The following LDLRAD4 variants were observed in gnomAD, a reference collection of about 807,000 sequenced individuals.
The protein encoded by LDLRAD4 is low density lipoprotein receptor class A domain containing 4.
A neutral mutation model predicts 17.0 loss-of-function variants in LDLRAD4; 5 were observed. The ratio of observed to expected loss-of-function variants is 0.29; its 90% CI spans 0.15 to 0.62. LDLRAD4 has a LOEUF of 0.62. LDLRAD4 is among the 20% of genes least tolerant of loss of function. The pLI is 0.84. For synonymous variants in LDLRAD4, 168 were observed against 171.8 expected (o/e 0.98, Z 0.17); for missense variants, 340 against 424.7 (o/e 0.80, Z 1.75).
In LDLRAD4 at chr18:13,445,583, C is replaced by T. The variant is rs925166241; in HGVS notation, c.181+7199C>T. ...GTGTTTGTGCATGTGTGTGTGTATGCGTGAGGGTCTATGGTACATGTATTC... is the reference window on the plus strand; with the variant it reads ...GTGTTTGTGCATGTGTGTGTGTATGTGTGAGGGTCTATGGTACATGTATTC... On this transcript the variant is annotated intron_variant, in intron 3 of 5. Transcript: ENST00000359446. Among the ~76,000 whole-genome samples the T allele has an allele frequency of 1.0e-4, 15 of 149,350 alleles. 2 individuals are homozygous for T. The South Asian group carries it at 3.2e-3, about 32-fold the overall frequency.
At chr18:13,639,404 C>T (rs906562845) in intron 4 of LDLRAD4, among the ~76,000 whole-genome samples, 1 of 152,230 alleles carries the variant, frequency 6.6e-6, no homozygotes, top group African/African-American at 2.4e-5. Context: ...GAGTCACACC[C>T]TCGTTTGACA....
At chr18:13,644,755 A>G in intron 5 of LDLRAD4, 2 of 202,604 alleles carry the variant, frequency 9.9e-6, no homozygotes, top group Non-Finnish European at 2.0e-5. Context: ...ACCAGATCCA[A>G]GTGCAGGCCG....
At chr18:13,434,813 C>T (rs2090552044) in intron 2 of LDLRAD4, among the ~76,000 whole-genome samples, 1 of 152,246 alleles carries the variant, frequency 6.6e-6, no homozygotes, top group African/African-American at 2.4e-5. Flanking sequence ...ACCAAATAAA[C>T]ATTCCAATAA....
At chr18:13,550,694 C>T (rs546373955) in intron 3 of LDLRAD4, among the ~76,000 whole-genome samples, 6 of 152,272 alleles carry the variant, frequency 3.9e-5, no homozygotes, top group Non-Finnish European at 7.4e-5. Flanking sequence ...AAACGTAAGC[C>T]GAGGAAGATG....
chr18:13,510,121 T>C (rs183317998), intron 3 of LDLRAD4, among the ~76,000 whole-genome samples: 170 of 152,324 alleles, frequency 1.1e-3, no homozygotes, highest in Middle Eastern at 3.4e-3. Context: ...TCCGAGTATG[T>C]CTGTGTTGTA....
At chr18:13,350,328 T>G (rs1388124702) in intron 1 of LDLRAD4, among the ~76,000 whole-genome samples, 1 of 152,216 alleles carries the variant, frequency 6.6e-6, no homozygotes, top group Non-Finnish European at 1.5e-5. Flanking sequence ...CCATTCTGAC[T>G]TGTGTGAGAT....
At chr18:13,593,490 C>G (rs2095053587) in intron 3 of LDLRAD4, among the ~76,000 whole-genome samples, 1 of 152,158 alleles carries the variant, frequency 6.6e-6, no homozygotes, top group African/African-American at 2.4e-5. Context: ...GAGTGTTTGA[C>G]CTGTGGCTTA....
At chr18:13,481,553 C>G (rs567929033) in intron 3 of LDLRAD4, among the ~76,000 whole-genome samples, 4 of 152,214 alleles carry the variant, frequency 2.6e-5, no homozygotes, top group Non-Finnish European at 5.9e-5. Context: ...CCACCCAAGA[C>G]TGGGCCCCTG....
chr18:13,349,125 C>A (rs1236982441), intron 1 of LDLRAD4, among the ~76,000 whole-genome samples: 1 of 152,238 alleles, frequency 6.6e-6, no homozygotes, highest in Non-Finnish European at 1.5e-5. Flanking sequence ...AACCCGGTAC[C>A]ACAGTTTGAA....
chr18:13,345,907 G>C (rs952921656), intron 1 of LDLRAD4, among the ~76,000 whole-genome samples: 3 of 152,092 alleles, frequency 2.0e-5, no homozygotes, highest in Admixed American at 2.0e-4. Flanking sequence ...TTGTATTTCT[G>C]GGGGTTCAAT....
At chr18:13,409,559 C>A (rs1252707176) in intron 2 of LDLRAD4, among the ~76,000 whole-genome samples, 2 of 152,218 alleles carry the variant, frequency 1.3e-5, no homozygotes, top group Non-Finnish European at 2.9e-5. Context: ...CTATCTTCAA[C>A]CTGTATCTTA....
At chr18:13,503,347 T>TGC (rs2093642678) in intron 3 of LDLRAD4, among the ~76,000 whole-genome samples, 1 of 152,246 alleles carries the variant, frequency 6.6e-6, no homozygotes, top group Non-Finnish European at 1.5e-5. Context: ...GCAGGCAACC[T>TGC]GCCATTGTTC....
Position 13,349,423 on chromosome 18 carries a change from A to T in LDLRAD4, c.-382-37918A>T, listed in dbSNP as rs532849879. On this transcript the variant is annotated intron_variant, in intron 1 of 5. Coordinates refer to ENST00000359446, the Ensembl canonical transcript of LDLRAD4. ...ATAAAAAGTGGAGTTACAGACCAAA[A>T]TTACAATAACCCTGGTTTTTATATT... 2.6e-5 allele frequency among the ~76,000 whole-genome samples: 4 copies of T among 152,292 alleles called. No homozygotes were observed. In the East Asian group the frequency reaches 7.7e-4, roughly 29 times the overall value.
chr18:13,342,882 C>A (rs1426068561), intron 1 of LDLRAD4, among the ~76,000 whole-genome samples: 1 of 151,752 alleles, frequency 6.6e-6, no homozygotes, highest in Non-Finnish European at 1.5e-5. Flanking sequence ...TTATTGTGGT[C>A]ATCAAGTTAG....
rs536420441 is a variant in LDLRAD4, at chr18:13,233,144, G to A, written c.-467+14156G>A. Among the ~76,000 whole-genome samples the A allele has an allele frequency of 3.9e-5, 6 of 152,246 alleles. No individual in the cohort carries two copies. The East Asian group carries it at 5.8e-4, about 15-fold the overall frequency. ...CCAGTGGCGCCACCTCTTTGCAGGC[G>A]CCTGTCCTGAAGGACGTGAGCGGGC... On this transcript the variant is annotated intron_variant, in intron 1 of 5. Transcript: ENST00000399848.
upstream of LDLRAD4, among the ~76,000 whole-genome samples, chr18:13,277,635 AT>A (rs2044969903): frequency 6.6e-6 from 1 of 152,318 alleles, no homozygotes; most frequent in Admixed American, 6.5e-5. Context: ...TCAGACATGT[AT>A]TTCAGCAGAG....
chr18:13,258,357 C>T (rs1045432625), intron 1 of LDLRAD4, among the ~76,000 whole-genome samples: 6 of 151,652 alleles, frequency 4.0e-5, no homozygotes, highest in East Asian at 1.9e-4. Context: ...GTTAATTCTA[C>T]GAAATCCTTT....
intron 1 of LDLRAD4, chr18:13,362,692 C>T (rs570502099): frequency 6.6e-6 from 1 of 152,110 alleles, no homozygotes; most frequent in Non-Finnish European, 1.5e-5. Flanking sequence ...GGTATGGAAA[C>T]CAATTTAATA....
chr18:13,488,514 T>C (rs1032705270), intron 3 of LDLRAD4: 5 of 152,248 alleles, frequency 3.3e-5, no homozygotes, highest in Admixed American at 6.5e-5. Flanking sequence ...GCGACAGTCA[T>C]TGTGGAGCCC....
Sources: gnomAD v4.1 joint callset for allele counts (sites outside exome capture counted in the v4.1 genomes callset) on GRCh38, gnomAD v4.1.1 for gene constraint, MANE v1.5 for transcripts, NCBI Gene and HGNC (gene_info 2026-07-23, HGNC 2026-07-21) for gene names.